Variants in KHDRBS2 observed in about 807,000 individuals in gnomAD.
The protein encoded by KHDRBS2 is KH domain-containing, RNA-binding, signal transduction-associated protein 2.
Under a neutral mutation model 44.3 loss-of-function variants are expected in KHDRBS2, and 26 were observed. The observed-to-expected ratio is 0.59, with a 90% CI of 0.43 to 0.81. The LOEUF is 0.81. KHDRBS2 is among the 40% of genes least tolerant of loss of function. The probability of loss-of-function intolerance (pLI) is 0.00; values close to 1 mark genes in which losing one functional copy is unlikely to be tolerated. For synonymous variants in KHDRBS2, 194 were observed against 151.1 expected, an observed-to-expected ratio of 1.28 and a Z score of -2.08; for missense variants, 476 against 433.1, an observed-to-expected ratio of 1.10 and a Z score of -0.88.
At chr6:61,615,396 TTC>T in the KHDRBS2 span, among the ~76,000 whole-genome samples, 1 of 152,166 alleles carries the variant, frequency 6.6e-6, no homozygotes. Flanking sequence ...GCTGAACCTT[TTC>T]TGTTCTTTGC....
intron 1 of KHDRBS2, among the ~76,000 whole-genome samples, chr6:62,219,951 A>T (rs1830623083): frequency 6.8e-6 from 1 of 147,856 alleles, no homozygotes. Flanking sequence ...TATATATATA[A>T]CTGTATATAC....
At chr6:61,861,130 T>C (rs1203449070) in intron 6 of KHDRBS2, among the ~76,000 whole-genome samples, 2 of 152,144 alleles carry the variant, frequency 1.3e-5, no homozygotes, top group African/African-American at 4.8e-5. Context: ...GCTGGATGCA[T>C]AGATTGCAAA....
the KHDRBS2 span, among the ~76,000 whole-genome samples, chr6:61,555,817 A>G: frequency 6.6e-6 from 1 of 152,018 alleles, no homozygotes; most frequent in Non-Finnish European, 1.5e-5. Context: ...CCTGGGCTAT[A>G]TGCTTTAACT....
intron 2 of KHDRBS2, among the ~76,000 whole-genome samples, chr6:62,049,103 C>T (rs934895650): frequency 6.6e-6 from 1 of 151,762 alleles, no homozygotes; most frequent in Non-Finnish European, 1.5e-5. Flanking sequence ...GCTCTTACCC[C>T]TTTTATTCAA....
chr6:61,792,622 C>T (rs1339946251), intron 6 of KHDRBS2, among the ~76,000 whole-genome samples: 2 of 151,630 alleles, frequency 1.3e-5, no homozygotes, highest in African/African-American at 4.8e-5. Flanking sequence ...TTCCTCTCAC[C>T]TTACTTTCAT....
At chr6:62,246,102 T>TTTTATATATATA (rs1434888553) in intron 1 of KHDRBS2, among the ~76,000 whole-genome samples, 15 of 124,346 alleles carry the variant, frequency 1.2e-4, no homozygotes, top group African/African-American at 4.4e-4. Context: ...TCAATCAATT[T>TTTTATATATATA]TATATATATA....
intron 4 of KHDRBS2, among the ~76,000 whole-genome samples, chr6:61,970,328 A>AAT (rs1771081707): frequency 6.6e-6 from 1 of 152,054 alleles, no homozygotes; most frequent in Non-Finnish European, 1.5e-5. Flanking sequence ...GCATATTTTC[A>AAT]GACTCTTTCA....
At chr6:62,110,674 T>C (rs1010731420) in intron 2 of KHDRBS2, among the ~76,000 whole-genome samples, 43 of 152,046 alleles carry the variant, frequency 2.8e-4, no homozygotes, top group Admixed American at 2.7e-3. Context: ...AATTTATGTA[T>C]AGTACTGAAA....
At chr6:61,627,613 A>G in the KHDRBS2 span, among the ~76,000 whole-genome samples, 8 of 152,300 alleles carry the variant, frequency 5.3e-5, no homozygotes, top group African/African-American at 1.7e-4. Context: ...ATGCCTATAT[A>G]ATGAAGCCCC....
intron 6 of KHDRBS2, among the ~76,000 whole-genome samples, chr6:61,776,388 C>G (rs1372310093): frequency 6.6e-6 from 1 of 152,122 alleles, no homozygotes; most frequent in Non-Finnish European, 1.5e-5. Flanking sequence ...TCACAACCTA[C>G]TCATCTGACA....
intron 2 of KHDRBS2, among the ~76,000 whole-genome samples, chr6:62,087,210 C>T (rs930972637): frequency 6.6e-6 from 1 of 152,006 alleles, no homozygotes; most frequent in Non-Finnish European, 1.5e-5. Flanking sequence ...TAACATTCCA[C>T]AAACAATGAA....
At chr6:61,883,753 T>G (rs79905930) in intron 6 of KHDRBS2, among the ~76,000 whole-genome samples, 1 of 152,204 alleles carries the variant, frequency 6.6e-6, no homozygotes, top group African/African-American at 2.4e-5. Context: ...ATACATTTCA[T>G]TAACCTTGCA....
the KHDRBS2 span, among the ~76,000 whole-genome samples, chr6:61,596,471 C>A: frequency 2.0e-5 from 3 of 151,944 alleles, no homozygotes; most frequent in Non-Finnish European, 4.4e-5. Flanking sequence ...ACATGTAGTC[C>A]TATAGCTACT....
At position 61,794,893 on chromosome 6, in the gene KHDRBS2, C is replaced by T. The variant is rs115760039; in HGVS notation, c.811-62129G>A. ...GTGGCTAACTCCTGTAATCTCAGCACTTTGGAACGCCAAGGCAGGAGGATC... is the reference window on the plus strand; with the variant it reads ...GTGGCTAACTCCTGTAATCTCAGCATTTTGGAACGCCAAGGCAGGAGGATC... On this transcript the variant is annotated intron_variant, in intron 6 of 8. Transcript: ENST00000281156. Among the ~76,000 whole-genome samples the T allele has an allele frequency of 1.9e-3, 285 of 152,158 alleles. 2 individuals carry two copies. The highest frequency in any genetic ancestry group is 6.2e-3 in the African/African-American group (258 of 41,532).
chr6:61,922,668 G>C (rs1400550607), intron 4 of KHDRBS2, among the ~76,000 whole-genome samples: 1 of 152,080 alleles, frequency 6.6e-6, no homozygotes, highest in African/African-American at 2.4e-5. Flanking sequence ...AGACTGCTCA[G>C]AAAGATCTTG....
the KHDRBS2 span, among the ~76,000 whole-genome samples, chr6:61,551,243 T>A: frequency 2.9e-4 from 44 of 152,324 alleles, 1 homozygote; most frequent in East Asian, 6.4e-3. Flanking sequence ...TTTGTTCAAG[T>A]TTCTTATAAG....
At chr6:61,751,726 A>C (rs1029605935) in intron 6 of KHDRBS2, among the ~76,000 whole-genome samples, 5 of 152,190 alleles carry the variant, frequency 3.3e-5, no homozygotes, top group African/African-American at 1.2e-4. Context: ...AGAAAGTATT[A>C]ATTTCCTAGA....
chr6:61,735,562 T>C (rs1324484350), intron 6 of KHDRBS2, among the ~76,000 whole-genome samples: 1 of 152,184 alleles, frequency 6.6e-6, no homozygotes, highest in Non-Finnish European at 1.5e-5. Flanking sequence ...TTAGTGTTTT[T>C]AGAGCTAGCA....
At chr6:61,833,860 A>C (rs1792224038) in intron 6 of KHDRBS2, among the ~76,000 whole-genome samples, 1 of 152,108 alleles carries the variant, frequency 6.6e-6, no homozygotes, top group African/African-American at 2.4e-5. Flanking sequence ...TAAAATTTAA[A>C]ATTTTCTCTC....
Sources: gnomAD v4.1 joint callset for allele counts (sites outside exome capture counted in the v4.1 genomes callset) on GRCh38, gnomAD v4.1.1 for gene constraint, MANE v1.5 for transcripts, NCBI Gene and HGNC (gene_info 2026-07-23, HGNC 2026-07-21) for gene names.